Variants in KCNU1 observed in about 807,000 individuals in gnomAD.
KCNU1 encodes the protein potassium calcium-activated channel subfamily U member 1.
KCNU1 carries 93 observed loss-of-function variants against 126.8 expected under a neutral mutation model. That is an observed-to-expected ratio of 0.73 (90% CI 0.62 to 0.87). The LOEUF (loss-of-function observed/expected upper bound fraction) is 0.87, where lower values mean the gene tolerates loss of function less well. KCNU1 is among the 40% of genes least tolerant of loss of function. The probability of loss-of-function intolerance (pLI) is 0.00; values close to 1 mark genes in which losing one functional copy is unlikely to be tolerated. For missense variants in KCNU1, 1,330 were observed against 1,367.1 expected (o/e 0.97, Z 0.43); for synonymous variants, 523 against 494.2 (o/e 1.06, Z -0.77).
intron 14 of KCNU1, among the ~76,000 whole-genome samples, chr8:36,838,178 C>T (rs1804823204): frequency 6.6e-6 from 1 of 152,148 alleles, no homozygotes; most frequent in Admixed American, 6.5e-5. Flanking sequence ...TCACTGTATG[C>T]AGCCTAGAAA....
chr8:36,891,249 G>A (rs1806951306), intron 19 of KCNU1, among the ~76,000 whole-genome samples: 2 of 151,666 alleles, frequency 1.3e-5, no homozygotes, highest in South Asian at 4.2e-4. Context: ...ACACCTTATA[G>A]CAATATAGTT....
intron 11 of KCNU1, among the ~76,000 whole-genome samples, chr8:36,834,286 T>C (rs984105717): frequency 6.6e-6 from 1 of 152,028 alleles, no homozygotes; most frequent in Admixed American, 6.6e-5. Context: ...CCCAGAAAAA[T>C]ATTTCTCTTT....
At chr8:36,836,260 A>G (rs1272164886) in intron 12 of KCNU1, 36 bp from the exon 13 acceptor site, 1 of 1,334,516 alleles carries the variant, frequency 7.5e-7, no homozygotes, top group South Asian at 1.2e-5. Context: ...TTTGGCTATG[A>G]CACATGACTA....
intron 2 of KCNU1, chr8:36,795,819 G>A (rs1232742463): frequency 6.6e-6 from 1 of 152,206 alleles, no homozygotes; most frequent in African/African-American, 2.4e-5. Flanking sequence ...CTTGGGCTTG[G>A]GGTAATATTT....
chr8:36,856,113 T>C (rs1353930973), intron 18 of KCNU1, among the ~76,000 whole-genome samples: 1 of 152,232 alleles, frequency 6.6e-6, no homozygotes, highest in Non-Finnish European at 1.5e-5. Flanking sequence ...TATTTTGTTC[T>C]TCTTAAAATT....
In KCNU1 at chr8:36,833,659, G is replaced by A. The variant is rs781263147; in HGVS notation, c.1212G>A (p.Ala404=). ...AGTGGGAGGATCTGAGGCGAGTTGCGGTAAGATCTAGCTGTTTTTGTTCCT... is the reference window on the plus strand; with the variant it reads ...AGTGGGAGGATCTGAGGCGAGTTGCAGTAAGATCTAGCTGTTTTTGTTCCT... ...AMKWEDLRRV[A]VESAEACLII... is the part of the protein sequence containing the mutation. The change falls in exon 11 of 27, where the codon GCG becomes GCA. Residue 404 remains alanine (A), a splice_region_variant and synonymous_variant. Coordinates refer to ENST00000399881, the MANE Select transcript of KCNU1 (RefSeq NM_001031836.3). 45 of 1,583,976 alleles carry A rather than the reference G, an allele frequency of 2.8e-5. No individual in the cohort carries two copies. Among genetic ancestry groups the A allele is most frequent in the Admixed American group, 6.7e-5 (4 of 59,842 alleles).
At chr8:36,840,059 A>G (rs1423816657) in intron 14 of KCNU1, among the ~76,000 whole-genome samples, 1 of 152,244 alleles carries the variant, frequency 6.6e-6, no homozygotes, top group African/African-American at 2.4e-5. Flanking sequence ...AATGGTTAGT[A>G]GAAAACTAAA....
At chr8:36,885,508 C>G (rs1455779056) in intron 19 of KCNU1, among the ~76,000 whole-genome samples, 1 of 151,956 alleles carries the variant, frequency 6.6e-6, no homozygotes, top group East Asian at 1.9e-4. Context: ...TGTGTGAGAT[C>G]GCACCACTGC....
In KCNU1 at chr8:36,817,630, C is replaced by T. The variant is rs1224429204; in HGVS notation, c.996-20C>T. On this transcript the variant is annotated intron_variant, in intron 9 of 26. Transcript: ENST00000399881. ...CTTATGTGCCTCGGATGATCCACCTCACCTGTTTTTGCTGCCTAGGTTTAT... is the reference window on the plus strand; with the variant it reads ...CTTATGTGCCTCGGATGATCCACCTTACCTGTTTTTGCTGCCTAGGTTTAT... 3.7e-6 allele frequency: 5 copies of T among 1,344,868 alleles called. No individual in the cohort carries two copies. Among genetic ancestry groups the T allele is most frequent in the African/African-American group, 2.9e-5 (2 of 69,574 alleles). 83.3% of individuals were successfully genotyped at this position (1,344,868 alleles called of 1,614,324 possible). A position where few individuals can be genotyped will look rare whatever the true frequency, so the allele number is the denominator to read the frequency against.
chr8:36,830,359 G>A lies in KCNU1; in HGVS notation c.1107-3195G>A, dbSNP rs1387610229. 5.9e-5 allele frequency among the ~76,000 whole-genome samples: 9 copies of A among 151,534 alleles called. No individual in the cohort carries two copies. In the East Asian group the frequency reaches 1.7e-3, roughly 29 times the overall value. ...TTTTTATTTTAAAGATATTTGTTGG[G>A]TTAAAAATATTATCTTCTATTTCTA... is the stretch of plus-strand genomic sequence containing the variant. On this transcript the variant is annotated intron_variant, in intron 10 of 26. Coordinates refer to ENST00000399881, the MANE Select transcript of KCNU1 (RefSeq NM_001031836.3).
At chr8:36,857,712 C>T (rs1805578645) in intron 18 of KCNU1, among the ~76,000 whole-genome samples, 1 of 151,966 alleles carries the variant, frequency 6.6e-6, no homozygotes, top group African/African-American at 2.4e-5. Context: ...ATGGCTTGAT[C>T]TTGGCTCATT....
chr8:36,900,463 T>C (rs1296650478), intron 19 of KCNU1, among the ~76,000 whole-genome samples: 2 of 152,032 alleles, frequency 1.3e-5, no homozygotes, highest in African/African-American at 4.8e-5. Flanking sequence ...TTAGGCTCAG[T>C]TTTTAATATT....
chr8:36,911,205 G>T (rs1807861410), intron 22 of KCNU1, 86 bp downstream of exon 22: 6 of 1,141,622 alleles, frequency 5.3e-6, no homozygotes, highest in Non-Finnish European at 6.1e-6. Context: ...TTTTAATTAT[G>T]GGGAGCAGGA....
At chr8:36,873,031 A>G (rs1015735774) in intron 19 of KCNU1, among the ~76,000 whole-genome samples, 1 of 152,146 alleles carries the variant, frequency 6.6e-6, no homozygotes, top group Admixed American at 6.5e-5. Flanking sequence ...GTGAGCCAAG[A>G]TTGCACCATT....
chr8:36,884,236 G>C (rs990654334), intron 19 of KCNU1, among the ~76,000 whole-genome samples: 1 of 152,130 alleles, frequency 6.6e-6, no homozygotes, highest in Non-Finnish European at 1.5e-5. Context: ...AATTTGGTCA[G>C]CTCCTGATTT....
chr8:36,879,215 A>ATATATATATGTG (rs1240273348), intron 19 of KCNU1, among the ~76,000 whole-genome samples: 1 of 137,196 alleles, frequency 7.3e-6, no homozygotes, highest in Non-Finnish European at 1.5e-5. Flanking sequence ...GTGTGTGTAT[A>ATATATATATGTG]TATATATATA....
intron 1 of KCNU1, 80 bp downstream of exon 1, chr8:36,784,685 A>G (rs1175464109): frequency 4.6e-6 from 5 of 1,093,646 alleles, no homozygotes; most frequent in Non-Finnish European, 6.5e-6. Flanking sequence ...AAAAGATCTA[A>G]GCTTCATTCA....
At chr8:36,878,294 T>C (rs562040384) in intron 19 of KCNU1, among the ~76,000 whole-genome samples, 5 of 152,192 alleles carry the variant, frequency 3.3e-5, no homozygotes, top group Non-Finnish European at 7.3e-5. Context: ...ATGTTGGCCT[T>C]CAGGTGAGAC....
chr8:36,850,930 A>C (rs942723114), intron 18 of KCNU1, among the ~76,000 whole-genome samples: 2 of 152,208 alleles, frequency 1.3e-5, no homozygotes, highest in African/African-American at 2.4e-5. Context: ...ATTGTATTCT[A>C]TTAATCTATA....
Sources: gnomAD v4.1 joint callset for allele counts (sites outside exome capture counted in the v4.1 genomes callset) on GRCh38, gnomAD v4.1.1 for gene constraint, MANE v1.5 for transcripts, NCBI Gene and HGNC (gene_info 2026-07-23, HGNC 2026-07-21) for gene names.